Variants in UVRAG observed in about 807,000 individuals in gnomAD.
The protein encoded by UVRAG is UV radiation resistance-associated gene protein.
UVRAG carries 19 observed loss-of-function variants against 78.0 expected under a neutral mutation model. The ratio of observed to expected loss-of-function variants is 0.24; its 90% CI spans 0.17 to 0.36. The LOEUF is 0.36. Ranked by LOEUF, UVRAG falls within the 10% of genes least tolerant of loss-of-function variation. UVRAG has a pLI of 1.00. For missense variants in UVRAG, 740 were observed against 853.8 expected (o/e 0.87, Z 1.66); for synonymous variants, 323 against 324.6 (o/e 1.00, Z 0.05).
rs1949963352 is a variant in UVRAG at position 76,007,333 on chromosome 11, T to C, written c.912-201T>C. 2.6e-5 allele frequency among the ~76,000 whole-genome samples: 4 copies of C among 152,220 alleles called. No homozygotes were observed. In the South Asian group the frequency reaches 8.3e-4, roughly 32 times the overall value. On this transcript the variant is annotated intron_variant, in intron 9 of 14. Transcript: ENST00000356136. ...TGGTACTAATCACACACAGTAGCAC[T>C]CAGTATATAGTTAGCTTGATTGATA...
At chr11:75,874,641 G>T (rs1946725282) in intron 3 of UVRAG, among the ~76,000 whole-genome samples, 1 of 152,192 alleles carries the variant, frequency 6.6e-6, no homozygotes, top group Admixed American at 6.5e-5. Flanking sequence ...GCTAGAATAA[G>T]CATTCTCTAT....
At position 75,848,101 on chromosome 11, in the gene UVRAG, G is replaced by A. The variant is rs146156961; in HGVS notation, c.118-3782G>A. Among the ~76,000 whole-genome samples, 442 of 151,904 alleles carry A rather than the reference G, an allele frequency of 2.9e-3. 1 individual carries two copies. The highest frequency in any genetic ancestry group is 4.6e-3 in the Non-Finnish European group (313 of 67,956). Reference sequence around the variant, plus strand: ...TGGTCCCAGCTACTTGGGAGACTGAGGTGGGAGGATTGCTTGAGCCTGGGA... The same window carrying A: ...TGGTCCCAGCTACTTGGGAGACTGAAGTGGGAGGATTGCTTGAGCCTGGGA... On this transcript the variant is annotated intron_variant, in intron 1 of 14. Transcript: ENST00000356136.
intron 5 of UVRAG, among the ~76,000 whole-genome samples, chr11:75,893,405 A>T (rs1232122988): frequency 6.6e-6 from 1 of 151,916 alleles, no homozygotes; most frequent in Non-Finnish European, 1.5e-5. Context: ...TCCCTATTAA[A>T]AAAAGGGCCG....
intron 12 of UVRAG, among the ~76,000 whole-genome samples, chr11:76,017,866 T>C (rs569152722): frequency 6.6e-6 from 1 of 151,774 alleles, no homozygotes; most frequent in South Asian, 2.1e-4. Flanking sequence ...GCAGCAGACC[T>C]GCAGTAAAGG....
At chr11:75,965,374 C>T (rs994512973) in intron 7 of UVRAG, among the ~76,000 whole-genome samples, 2 of 152,158 alleles carry the variant, frequency 1.3e-5, no homozygotes, top group African/African-American at 2.4e-5. Flanking sequence ...TGCAGTGGCG[C>T]GATCTCGGCT....
chr11:75,920,044 G>T (rs985043298), intron 6 of UVRAG, among the ~76,000 whole-genome samples: 469 of 26,418 alleles, frequency 0.018, no homozygotes, highest in Admixed American at 0.025. Flanking sequence ...TTTTTTTTTT[G>T]GGACGAAGTC....
intron 13 of UVRAG, among the ~76,000 whole-genome samples, chr11:76,106,840 G>A (rs112567827): frequency 1.3e-5 from 2 of 152,142 alleles, no homozygotes; most frequent in Admixed American, 6.5e-5. Flanking sequence ...CTGCTGAACA[G>A]CATGAATATC....
At chr11:76,079,517 G>T (rs1192287685) in intron 13 of UVRAG, among the ~76,000 whole-genome samples, 1 of 151,982 alleles carries the variant, frequency 6.6e-6, no homozygotes, top group Non-Finnish European at 1.5e-5. Context: ...AAGATGAAAT[G>T]TACAAATAGT....
intron 9 of UVRAG, among the ~76,000 whole-genome samples, chr11:76,006,825 A>ACCAT (rs1949953880): frequency 6.6e-6 from 1 of 152,126 alleles, no homozygotes; most frequent in Non-Finnish European, 1.5e-5. Flanking sequence ...TTGAGGAAAT[A>ACCAT]CCATCCAGAT....
rs758218881 is a variant in UVRAG, at chr11:76,116,057, A to G, written c.1397+42A>G. 4.4e-6 allele frequency: 7 copies of G among 1,577,984 alleles called. No individual in the cohort carries two copies. In the South Asian group the frequency reaches 6.7e-5, roughly 15 times the overall value. ...CTGATAACCAGAAACTGTAATGTGG[A>G]TAGGATCCTGAAAATCTTTTCTGAC... On this transcript the variant is annotated intron_variant, in intron 14 of 14. Transcript: ENST00000356136.
At chr11:76,037,395 C>T (rs1003938812) in intron 12 of UVRAG, among the ~76,000 whole-genome samples, 7 of 152,074 alleles carry the variant, frequency 4.6e-5, no homozygotes, top group African/African-American at 1.7e-4. Context: ...AGGCAATATA[C>T]GTTTTGATTA....
intron 6 of UVRAG, among the ~76,000 whole-genome samples, chr11:75,960,292 A>G (rs1313157463): frequency 1.3e-5 from 2 of 151,990 alleles, no homozygotes; most frequent in Non-Finnish European, 2.9e-5. Context: ...ATACAGAAAT[A>G]TAATTGATTT....
intron 13 of UVRAG, among the ~76,000 whole-genome samples, chr11:76,070,449 TAC>T (rs1442318013): frequency 6.6e-6 from 1 of 152,192 alleles, no homozygotes; most frequent in African/African-American, 2.4e-5. Flanking sequence ...AGTAGATTTC[TAC>T]AGTTTTTATC....
Position 75,953,369 on chromosome 11 carries a change from T to C in UVRAG, c.594-8075T>C, listed in dbSNP as rs1359408725. 2.0e-5 allele frequency among the ~76,000 whole-genome samples: 3 copies of C among 152,328 alleles called. No individual in the cohort carries two copies. In the East Asian group the frequency reaches 5.8e-4, roughly 29 times the overall value. ...AGCTTAAAACTTTTTAATGGTTTTC[T>C]GATGCCTTCAGAATAAAAATCTAAG... On this transcript the variant is annotated intron_variant, in intron 6 of 14. Coordinates refer to ENST00000356136, the MANE Select transcript of UVRAG (RefSeq NM_003369.4).
chr11:76,036,574 CATG>C (rs1650076326), intron 12 of UVRAG, among the ~76,000 whole-genome samples: 1 of 152,026 alleles, frequency 6.6e-6, no homozygotes, highest in African/African-American at 2.4e-5. Context: ...AAATACCATG[CATG>C]ATTCATTGTC....
intron 6 of UVRAG, among the ~76,000 whole-genome samples, chr11:75,940,005 T>G (rs149452947): frequency 1.3e-5 from 2 of 152,298 alleles, no homozygotes; most frequent in East Asian, 3.9e-4. Flanking sequence ...ATTAATCACA[T>G]GTATTGGCAA....
intron 13 of UVRAG, among the ~76,000 whole-genome samples, chr11:76,069,675 C>G (rs1415693559): frequency 6.6e-6 from 1 of 152,146 alleles, no homozygotes; most frequent in Non-Finnish European, 1.5e-5. Context: ...TTCACATGAT[C>G]CCTATCATCA....
chr11:76,023,749 G>A (rs1950285074), intron 12 of UVRAG, among the ~76,000 whole-genome samples: 1 of 152,110 alleles, frequency 6.6e-6, no homozygotes, highest in African/African-American at 2.4e-5. Context: ...CTGGTTTTGA[G>A]TTTCTTTTTT....
At chr11:75,864,496 T>C (rs1005643269) in intron 3 of UVRAG, among the ~76,000 whole-genome samples, 4 of 152,274 alleles carry the variant, frequency 2.6e-5, no homozygotes, top group African/African-American at 9.6e-5. Flanking sequence ...ACGTTGTTAC[T>C]GCCCTTCTTG....
Sources: gnomAD v4.1 joint callset for allele counts (sites outside exome capture counted in the v4.1 genomes callset) on GRCh38, gnomAD v4.1.1 for gene constraint, MANE v1.5 for transcripts, NCBI Gene and HGNC (gene_info 2026-07-23, HGNC 2026-07-21) for gene names.